The following SAP130 variants were observed in gnomAD, a reference collection of about 807,000 sequenced individuals.
The protein encoded by SAP130 is Sin3A associated protein 130.
In SAP130, 16 loss-of-function variants were observed where a neutral mutation model predicts 103.2. The observed-to-expected ratio is 0.16, with a 90% CI of 0.10 to 0.24. The LOEUF (loss-of-function observed/expected upper bound fraction) is 0.24, where lower values mean the gene tolerates loss of function less well. Among genes scored for constraint, SAP130 ranks in the 10% least tolerant of loss-of-function variants. The pLI, the probability that SAP130 is intolerant of heterozygous loss-of-function variation, is 1.00. For missense variants in SAP130, 990 were observed against 1,359.7 expected, an observed-to-expected ratio of 0.73 and a Z score of 4.28; for synonymous variants, 477 against 497.0, an observed-to-expected ratio of 0.96 and a Z score of 0.53.
chr2:127,983,747 T>C (rs930087512), intron 14 of SAP130, among the ~76,000 whole-genome samples: 5 of 152,030 alleles, frequency 3.3e-5, no homozygotes, highest in African/African-American at 9.7e-5. Context: ...ATTGCATCCA[T>C]TGAATACTGT....
In SAP130 at chr2:127,941,712, G is replaced by T; in HGVS notation, c.*294C>A. 7.6e-6 allele frequency: 3 copies of T among 393,052 alleles called. No individual in the cohort carries two copies. Among genetic ancestry groups the T allele is most frequent in the Admixed American group, 4.8e-5 (1 of 21,002 alleles). 24.3% of individuals were successfully genotyped at this position (393,052 alleles called of 1,614,324 possible). ...TAAACCGGAAGGCTGAAAAACACCA[G>T]CCAGCCATCCTTGTCATTGCTTCCA... On this transcript the variant is annotated 3_prime_UTR_variant, in exon 21 of 21. Transcript: ENST00000643581.
intron 1 of SAP130, among the ~76,000 whole-genome samples, chr2:128,027,566 G>C (rs1685613003): frequency 6.6e-6 from 1 of 151,716 alleles, no homozygotes; most frequent in African/African-American, 2.4e-5. Flanking sequence ...GCGGGCGCAG[G>C]GCCCGGATGT....
intron 15 of SAP130, among the ~76,000 whole-genome samples, chr2:127,959,250 G>A (rs1198251671): frequency 2.0e-5 from 3 of 152,056 alleles, no homozygotes; most frequent in Non-Finnish European, 4.4e-5. Flanking sequence ...TGATAACATG[G>A]AAATGCAAAA....
intron 2 of SAP130, among the ~76,000 whole-genome samples, chr2:128,023,940 T>C (rs1442881597): frequency 2.6e-5 from 2 of 78,112 alleles, no homozygotes; most frequent in East Asian, 2.8e-4. Flanking sequence ...CTCTAGAATA[T>C]TCTAGAGAAA....
intron 14 of SAP130, among the ~76,000 whole-genome samples, chr2:127,983,493 G>A (rs1682111248): frequency 1.3e-5 from 2 of 152,290 alleles, no homozygotes; most frequent in East Asian, 3.9e-4. Flanking sequence ...AGTGACAGTA[G>A]GGATGTGGAA....
chr2:127,994,811 C>T (rs1418631882), intron 11 of SAP130, among the ~76,000 whole-genome samples: 2 of 152,082 alleles, frequency 1.3e-5, no homozygotes, highest in Non-Finnish European at 2.9e-5. Flanking sequence ...GCTTTCCCCT[C>T]AAACTGTCCT....
intron 14 of SAP130, among the ~76,000 whole-genome samples, chr2:127,981,764 G>T (rs1308728093): frequency 2.0e-5 from 2 of 100,824 alleles, no homozygotes; most frequent in African/African-American, 7.7e-5. Context: ...CCTGCACCCC[G>T]ACTCAGCTCC....
chr2:128,008,585 G>A (rs1272746841), intron 7 of SAP130, among the ~76,000 whole-genome samples: 1 of 149,678 alleles, frequency 6.7e-6, no homozygotes, highest in Non-Finnish European at 1.5e-5. Context: ...TGCTGGGGCT[G>A]GTCTTGAATT....
chr2:127,985,271 A>G (rs1270241475), intron 14 of SAP130, among the ~76,000 whole-genome samples: 1 of 152,242 alleles, frequency 6.6e-6, no homozygotes, highest in Non-Finnish European at 1.5e-5. Flanking sequence ...TTTGTCATGG[A>G]CTGACTTATC....
intron 15 of SAP130, among the ~76,000 whole-genome samples, chr2:127,976,638 A>C (rs894833350): frequency 6.6e-6 from 1 of 152,254 alleles, no homozygotes; most frequent in Non-Finnish European, 1.5e-5. Flanking sequence ...GGGGCCGGGC[A>C]CGGTGGCTCA....
At chr2:127,951,122 C>T (rs1264343990) in intron 16 of SAP130, among the ~76,000 whole-genome samples, 1 of 152,186 alleles carries the variant, frequency 6.6e-6, no homozygotes, top group Non-Finnish European at 1.5e-5. Flanking sequence ...GCACAAGTCA[C>T]ACAAGTATGA....
At chr2:128,027,264 C>T (rs1373492560) in intron 1 of SAP130, 10 of 1,177,588 alleles carry the variant, frequency 8.5e-6, no homozygotes, top group Non-Finnish European at 1.0e-5. Context: ...TCACCCCCGC[C>T]ACCCGGCCGC....
At chr2:128,006,590 C>T (rs1683988720) in intron 7 of SAP130, among the ~76,000 whole-genome samples, 1 of 152,014 alleles carries the variant, frequency 6.6e-6, no homozygotes, top group African/African-American at 2.4e-5. Flanking sequence ...GCCTGGGCAA[C>T]ATAGGGAGAC....
intron 18 of SAP130, among the ~76,000 whole-genome samples, chr2:127,949,145 C>T (rs1437837200): frequency 6.6e-6 from 1 of 152,170 alleles, no homozygotes; most frequent in Non-Finnish European, 1.5e-5. Context: ...AAGTTAGACT[C>T]ATCTTGAGCC....
chr2:127,988,404 C>G (rs1037724837), intron 13 of SAP130, among the ~76,000 whole-genome samples: 1 of 128,432 alleles, frequency 7.8e-6, no homozygotes, highest in African/African-American at 3.0e-5. Flanking sequence ...AGCTGGGCAA[C>G]AGAGTGAGTG....
chr2:128,002,814 G>C (rs543764654), intron 7 of SAP130, among the ~76,000 whole-genome samples: 1 of 152,132 alleles, frequency 6.6e-6, no homozygotes, highest in Non-Finnish European at 1.5e-5. Flanking sequence ...AAAGGCTAAC[G>C]GGAGTCATCA....
chr2:127,955,655 T>C lies in SAP130; in HGVS notation c.2064-311A>G, dbSNP rs1679789787. On this transcript the variant is annotated intron_variant, in intron 15 of 20. Transcript: ENST00000643581. This position sits in a 1 kb window ranked among gnomAD's most constrained non-coding sequence, Gnocchi z 4.9. ...GTGTGTGCCACCATGCCAGGCTAAT[T>C]TTTGTATTTTTTTGTGGAGATGGGG... Among the ~76,000 whole-genome samples, 1 of 151,910 alleles carries C rather than the reference T, an allele frequency of 6.6e-6. No individual in the cohort carries two copies. The highest frequency in any genetic ancestry group is 1.5e-5 in the Non-Finnish European group (1 of 67,986).
intron 15 of SAP130, 54 bp downstream of exon 15, chr2:127,977,931 A>G (rs1472074472): frequency 2.3e-6 from 3 of 1,307,664 alleles, no homozygotes; most frequent in Admixed American, 2.0e-5. Context: ...ACTCTCCCCA[A>G]CTGCAACGAT....
At chr2:127,947,764 C>CTGTGTGTGTGAGTGTGTGAG (rs147211610) in intron 18 of SAP130, among the ~76,000 whole-genome samples, 3 of 143,312 alleles carry the variant, frequency 2.1e-5, no homozygotes, top group Non-Finnish European at 4.5e-5. Flanking sequence ...TTGTGTGTGT[C>CTGTGTGTGTGAGTGTGTGAG]TGTGTGTGTG....
Sources: allele counts gnomAD v4.1 joint callset (sites outside exome capture counted in the v4.1 genomes callset), GRCh38; gene constraint gnomAD v4.1.1; non-coding constraint Gnocchi (gnomAD v3.1); transcripts MANE v1.5; gene names NCBI Gene and HGNC (gene_info 2026-07-23, HGNC 2026-07-21).